Variants in DERA observed in about 807,000 individuals in gnomAD.
DERA encodes deoxyribose-phosphate aldolase.
A neutral mutation model predicts 41.1 loss-of-function variants in DERA; 15 were observed. That is an observed-to-expected ratio of 0.37 (90% CI 0.24 to 0.56). The LOEUF is 0.56. DERA is among the 20% of genes least tolerant of loss of function. The probability of loss-of-function intolerance (pLI) is 0.81; values close to 1 mark genes in which losing one functional copy is unlikely to be tolerated. For missense variants in DERA, 396 were observed against 403.4 expected, an observed-to-expected ratio of 0.98 and a Z score of 0.16; for synonymous variants, 139 against 137.4, an observed-to-expected ratio of 1.01 and a Z score of -0.08.
Position 15,921,404 on chromosome 12 carries a change from G to A in DERA, c.31+9990G>A, listed in dbSNP as rs988237202. Among the ~76,000 whole-genome samples the A allele has an allele frequency of 3.3e-5, 5 of 152,122 alleles. No homozygotes were observed. Among genetic ancestry groups the A allele is most frequent in the Non-Finnish European group, 4.4e-5 (3 of 68,028 alleles). ...CTAATCCCATTAGCTGAAGATGTGA[G>A]ATTAACCAGAAAGAGTAATTCCGTT... On this transcript the variant is annotated intron_variant, in intron 1 of 8. Coordinates refer to ENST00000428559, the MANE Select transcript of DERA (RefSeq NM_015954.4). The surrounding 1 kb of genome is among the most constrained non-coding windows in gnomAD (Gnocchi z 5.3).
At position 15,938,951 on chromosome 12, in the gene DERA, C is replaced by A. The variant is rs927363373; in HGVS notation, c.32-17985C>A. 6.6e-6 allele frequency among the ~76,000 whole-genome samples: 1 copy of A among 152,184 alleles called. No individual in the cohort carries two copies. Among genetic ancestry groups the A allele is most frequent in the African/African-American group, 2.4e-5 (1 of 41,438 alleles). On this transcript the variant is annotated intron_variant, in intron 1 of 8. Coordinates refer to ENST00000428559, the MANE Select transcript of DERA (RefSeq NM_015954.4). The surrounding 1 kb of genome is among the most constrained non-coding windows in gnomAD (Gnocchi z 4.1). ...GTAGCTAGTCTCCAGAGATGGACCA[C>A]GTCTCTGGTATTGATGCCTTTGTGT...
chr12:15,986,012 A>G (rs1237171703), intron 6 of DERA, among the ~76,000 whole-genome samples: 1 of 151,876 alleles, frequency 6.6e-6, no homozygotes, highest in Non-Finnish European at 1.5e-5. Flanking sequence ...TTTTTTCATC[A>G]TGTATTTTGG....
chr12:15,953,168 T>G lies in DERA; in HGVS notation c.32-3768T>G, dbSNP rs76226663. 9.7e-3 allele frequency among the ~76,000 whole-genome samples: 1,472 copies of G among 152,334 alleles called. 17 individuals carry two copies. The highest frequency in any genetic ancestry group is 0.033 in the African/African-American group (1,379 of 41,574). On this transcript the variant is annotated intron_variant, in intron 1 of 8. Transcript: ENST00000428559. ...GAAATCTCCACTTATCCATTAGGGT[T>G]GTTTTAGCCAACTGGATAAGCCTAC...
Position 16,014,751 on chromosome 12 carries a change from G to A in DERA, c.638-17791G>A, listed in dbSNP as rs1948969262. ...AGAATGGTAGATCCACCAACAGCTT[G>A]CACCGTGGGCTTGGAAAAGCCACAG... On this transcript the variant is annotated intron_variant, in intron 6 of 8. Coordinates refer to ENST00000428559, the MANE Select transcript of DERA (RefSeq NM_015954.4). The surrounding 1 kb of genome is among the most constrained non-coding windows in gnomAD (Gnocchi z 5.4). Among the ~76,000 whole-genome samples the A allele has an allele frequency of 6.6e-6, 1 of 152,188 alleles. No individual in the cohort carries two copies. The highest frequency in any genetic ancestry group is 1.5e-5 in the Non-Finnish European group (1 of 68,026).
At chr12:15,971,320 A>G (rs1298850260) in intron 5 of DERA, among the ~76,000 whole-genome samples, 1 of 152,146 alleles carries the variant, frequency 6.6e-6, no homozygotes, top group African/African-American at 2.4e-5. Context: ...TACCAAATCT[A>G]TCAGGTAAAC....
At chr12:15,934,683 C>T (rs1202586378) in intron 1 of DERA, among the ~76,000 whole-genome samples, 1 of 152,032 alleles carries the variant, frequency 6.6e-6, no homozygotes, top group Non-Finnish European at 1.5e-5. Context: ...ATTTTAACTG[C>T]CTCTTTCTTC....
chr12:15,993,480 CTTTT>C lies in DERA; in HGVS notation c.637+11056_637+11059del, dbSNP rs74499962. ...ATCTAGACTCCTGTGGTGTTGTGGC[CTTTT>C]TTTTTTTTTTTAAAAAAAATAAGAT... is the stretch of plus-strand genomic sequence containing the variant. On this transcript the variant is annotated intron_variant, in intron 6 of 8. Coordinates refer to ENST00000428559, the MANE Select transcript of DERA (RefSeq NM_015954.4). This position sits in a 1 kb window ranked among gnomAD's most constrained non-coding sequence, Gnocchi z 4.4. Among the ~76,000 whole-genome samples the C allele has an allele frequency of 7.1e-3, 962 of 135,120 alleles. 14 individuals are homozygous for C. Among genetic ancestry groups the C allele is most frequent in the African/African-American group, 0.025 (902 of 36,028 alleles). The allele number at this position is 135,120 out of a possible 152,430, so 88.6% of individuals were successfully genotyped here.
At position 16,035,554 on chromosome 12, in the gene DERA, C is replaced by T. The variant is rs1198268916; in HGVS notation, c.751-678C>T. On this transcript the variant is annotated intron_variant, in intron 7 of 8. Transcript: ENST00000428559. The surrounding 1 kb of genome is among the most constrained non-coding windows in gnomAD (Gnocchi z 4.1). Reference sequence around the variant, plus strand: ...AATATCAGATATTGGCTGAATTCAGCTGTGTTATGATCAACCTTAAAGACT... The same window carrying T: ...AATATCAGATATTGGCTGAATTCAGTTGTGTTATGATCAACCTTAAAGACT... 1.3e-5 allele frequency among the ~76,000 whole-genome samples: 2 copies of T among 152,160 alleles called. No homozygotes were observed. Among genetic ancestry groups the T allele is most frequent in the African/African-American group, 4.8e-5 (2 of 41,432 alleles).
At position 15,941,636 on chromosome 12, in the gene DERA, C is replaced by G. The variant is rs534330706; in HGVS notation, c.32-15300C>G. On this transcript the variant is annotated intron_variant, in intron 1 of 8. Transcript: ENST00000428559. The surrounding 1 kb of genome is among the most constrained non-coding windows in gnomAD (Gnocchi z 4.5). ...TGAGATCATAGGATGTTTGGTTTTCCATTCCTGAGTTACTTCACTTAGAAC... is the reference window on the plus strand; with the variant it reads ...TGAGATCATAGGATGTTTGGTTTTCGATTCCTGAGTTACTTCACTTAGAAC... Among the ~76,000 whole-genome samples, 1 of 152,136 alleles carries G rather than the reference C, an allele frequency of 6.6e-6. No homozygotes were observed. Among genetic ancestry groups the G allele is most frequent in the South Asian group, 2.1e-4 (1 of 4,832 alleles).
Position 15,982,607 on chromosome 12 carries a change from C to G in DERA, c.637+171C>G. Among the ~76,000 whole-genome samples the G allele has an allele frequency of 6.6e-6, 1 of 152,188 alleles. No homozygotes were observed. The highest frequency in any genetic ancestry group is 1.9e-4 in the East Asian group (1 of 5,198). On this transcript the variant is annotated intron_variant, in intron 6 of 8. Transcript: ENST00000428559. This position sits in a 1 kb window ranked among gnomAD's most constrained non-coding sequence, Gnocchi z 4.0. ...GTTCAATGTGAAGTGGTCAAAAACT[C>G]CTGGCTTTCTTCCACATTTTTTTTT...
chr12:15,989,834 T>C lies in DERA; in HGVS notation c.637+7398T>C, dbSNP rs1336668142. On this transcript the variant is annotated intron_variant, in intron 6 of 8. Coordinates refer to ENST00000428559, the MANE Select transcript of DERA (RefSeq NM_015954.4). The surrounding 1 kb of genome is among the most constrained non-coding windows in gnomAD (Gnocchi z 5.2). The stretch of plus-strand genomic sequence containing the variant: ...TTACACATCATTGTAAGTAAAATTG[T>C]GTTAAACAACTTTGGTCAACTAAAT... Among the ~76,000 whole-genome samples, 1 of 152,230 alleles carries C rather than the reference T, an allele frequency of 6.6e-6. No individual in the cohort carries two copies. Among genetic ancestry groups the C allele is most frequent in the Non-Finnish European group, 1.5e-5 (1 of 68,030 alleles).
Position 15,984,091 on chromosome 12 carries a change from A to G in DERA, c.637+1655A>G, listed in dbSNP as rs1462044248. ...ACAAAGTAAAAGTTTGGAAACGAAT[A>G]ACAGCAGCCACTTATAGGACATACT... is the stretch of plus-strand genomic sequence containing the variant. On this transcript the variant is annotated intron_variant, in intron 6 of 8. Coordinates refer to ENST00000428559, the MANE Select transcript of DERA (RefSeq NM_015954.4). The surrounding 1 kb of genome is among the most constrained non-coding windows in gnomAD (Gnocchi z 4.5). Among the ~76,000 whole-genome samples the G allele has an allele frequency of 6.6e-6, 1 of 152,168 alleles. No individual in the cohort carries two copies. Among genetic ancestry groups the G allele is most frequent in the African/African-American group, 2.4e-5 (1 of 41,454 alleles).
rs1948385265 is a variant in DERA at position 15,938,187 on chromosome 12, G to A, written c.32-18749G>A. On this transcript the variant is annotated intron_variant, in intron 1 of 8. Transcript: ENST00000428559. The surrounding 1 kb of genome is among the most constrained non-coding windows in gnomAD (Gnocchi z 4.1). Reference sequence around the variant, plus strand: ...CTTAGTGGTTGAGGAGCTGGAGAAAGTTGCTCAGAAATGACATTGACTTGG... The same window carrying A: ...CTTAGTGGTTGAGGAGCTGGAGAAAATTGCTCAGAAATGACATTGACTTGG... Among the ~76,000 whole-genome samples, 4 of 152,160 alleles carry A rather than the reference G, an allele frequency of 2.6e-5. No homozygotes were observed. The highest frequency in any genetic ancestry group is 2.0e-4 in the Admixed American group (3 of 15,266).
chr12:16,034,533 A>ATAGGTTCTG (rs1949114188), intron 7 of DERA, among the ~76,000 whole-genome samples: 1 of 152,196 alleles, frequency 6.6e-6, no homozygotes, highest in Non-Finnish European at 1.5e-5. Context: ...TTTCAAACAA[A>ATAGGTTCTG]TAGGTTCTGT....
intron 5 of DERA, among the ~76,000 whole-genome samples, chr12:15,979,562 G>C (rs1282132969): frequency 1.3e-5 from 2 of 152,184 alleles, no homozygotes; most frequent in African/African-American, 2.4e-5. Flanking sequence ...GGGCAGAATG[G>C]TAACAGAAAG....
intron 1 of DERA, among the ~76,000 whole-genome samples, chr12:15,929,270 G>A (rs1948310229): frequency 6.6e-6 from 1 of 152,188 alleles, no homozygotes; most frequent in Non-Finnish European, 1.5e-5. Context: ...AAAGCACTGG[G>A]AAAACCAGCC....
At position 15,989,365 on chromosome 12, in the gene DERA, C is replaced by T. The variant is rs547997413; in HGVS notation, c.637+6929C>T. ...AGCCTATCCAGTGAAATGTATGCTGCTGTACATTTTTAGTTTAGAATTTCC... is the reference window on the plus strand; with the variant it reads ...AGCCTATCCAGTGAAATGTATGCTGTTGTACATTTTTAGTTTAGAATTTCC... On this transcript the variant is annotated intron_variant, in intron 6 of 8. Coordinates refer to ENST00000428559, the MANE Select transcript of DERA (RefSeq NM_015954.4). This position sits in a 1 kb window ranked among gnomAD's most constrained non-coding sequence, Gnocchi z 5.2. Among the ~76,000 whole-genome samples, 22 of 152,362 alleles carry T rather than the reference C, an allele frequency of 1.4e-4. No individual in the cohort carries two copies. The East Asian group carries it at 4.2e-3, about 29-fold the overall frequency.
chr12:16,022,643 A>G (rs948352035), intron 6 of DERA, among the ~76,000 whole-genome samples: 1 of 152,158 alleles, frequency 6.6e-6, no homozygotes, highest in African/African-American at 2.4e-5. Context: ...ACTGAAAATG[A>G]GTGACTTTTC....
In DERA at chr12:16,036,645, A is replaced by G. The variant is rs1565621576; in HGVS notation, c.901-45A>G. On this transcript the variant is annotated intron_variant, in intron 8 of 8. Coordinates refer to ENST00000428559, the MANE Select transcript of DERA (RefSeq NM_015954.4). This position sits in a 1 kb window ranked among gnomAD's most constrained non-coding sequence, Gnocchi z 4.9. ...ATAGTATAATTATTAACTGATGTGT[A>G]TAATTATAGAATGATTGTTAATTAA... 1.5e-6 allele frequency: 2 copies of G among 1,372,948 alleles called. No homozygotes were observed. Among genetic ancestry groups the G allele is most frequent in the African/African-American group, 1.4e-5 (1 of 69,390 alleles). 85.0% of individuals were successfully genotyped at this position (1,372,948 alleles called of 1,614,324 possible).
Sources: allele counts gnomAD v4.1 joint callset (sites outside exome capture counted in the v4.1 genomes callset), GRCh38; gene constraint gnomAD v4.1.1; non-coding constraint Gnocchi (gnomAD v3.1); transcripts MANE v1.5; gene names NCBI Gene and HGNC (gene_info 2026-07-23, HGNC 2026-07-21).